Variants in SLC24A5 observed in about 807,000 individuals in gnomAD.
SLC24A5 encodes the protein sodium/potassium/calcium exchanger 5.
In SLC24A5, 46 loss-of-function variants were observed where a neutral mutation model predicts 51.6. The observed-to-expected ratio is 0.89, with a 90% CI of 0.70 to 1.14. The LOEUF is 1.14. Ranked by LOEUF, SLC24A5 falls within the 50% of genes most tolerant of loss-of-function variation. SLC24A5 has a pLI of 0.00. For synonymous variants in SLC24A5, 230 were observed against 214.9 expected, an observed-to-expected ratio of 1.07 and a Z score of -0.62; for missense variants, 581 against 604.1, an observed-to-expected ratio of 0.96 and a Z score of 0.40.
At chr15:48,140,382 A>C (rs1339858788) in intron 7 of SLC24A5, 2 of 152,150 alleles carry the variant, frequency 1.3e-5, no homozygotes, top group African/African-American at 2.4e-5. Context: ...AAGAAAAAAA[A>C]AGAGAAAGAA....
At chr15:48,141,012 G>A (rs1263098452) in intron 7 of SLC24A5, 101 bp from the exon 8 acceptor site, 14 of 881,684 alleles carry the variant, frequency 1.6e-5, no homozygotes, top group Non-Finnish European at 2.5e-5. Flanking sequence ...TTCTAAATGT[G>A]CCTATTTTAT....
chr15:48,130,801 G>A (rs192011830), intron 2 of SLC24A5, among the ~76,000 whole-genome samples: 12 of 152,018 alleles, frequency 7.9e-5, no homozygotes, highest in African/African-American at 2.4e-4. Flanking sequence ...ATAGAATGAG[G>A]GTGATTATGG....
At chr15:48,140,753 GA>G in intron 7 of SLC24A5, 1 of 194,404 alleles carries the variant, frequency 5.1e-6, no homozygotes, top group Non-Finnish European at 1.1e-5. Flanking sequence ...ATATTTTTAA[GA>G]AAGAAAAAGC....
chr15:48,138,781 T>C (rs1207407822), intron 6 of SLC24A5, 188 bp from the exon 7 acceptor site: 8 of 562,246 alleles, frequency 1.4e-5, no homozygotes, highest in Admixed American at 6.3e-5. Flanking sequence ...ACATCTTACA[T>C]TGTCTGCCCT....
chr15:48,139,748 C>T (rs2039005655), intron 7 of SLC24A5: 1 of 152,122 alleles, frequency 6.6e-6, no homozygotes, highest in Non-Finnish European at 1.5e-5. Context: ...TAATCCACTA[C>T]AGTCCCTAAA....
Position 48,130,139 on chromosome 15 carries a change from C to T in SLC24A5, c.302-4119C>T, listed in dbSNP as rs555623664. Among the ~76,000 whole-genome samples, 8 of 152,090 alleles carry T rather than the reference C, an allele frequency of 5.3e-5. No individual in the cohort carries two copies. In the East Asian group the frequency reaches 1.5e-3, roughly 29 times the overall value. ...TTGATATCTAAACCTATAAAGAAAA[C>T]TCAAGTTGAACATTTCTACTATATC... On this transcript the variant is annotated intron_variant, in intron 2 of 8. Coordinates refer to ENST00000341459, the MANE Select transcript of SLC24A5 (RefSeq NM_205850.3).
At chr15:48,124,914 A>G (rs2038715378) in intron 2 of SLC24A5, among the ~76,000 whole-genome samples, 1 of 152,336 alleles carries the variant, frequency 6.6e-6, no homozygotes, top group African/African-American at 2.4e-5. Context: ...ATGAGATAGA[A>G]ATAGTGCTAG....
intron 2 of SLC24A5, 87 bp from the exon 3 acceptor site, chr15:48,134,171 C>T (rs1311551867): frequency 2.8e-6 from 3 of 1,082,072 alleles, no homozygotes; most frequent in Admixed American, 1.8e-5. Context: ...TTATGTGAAG[C>T]TGTAGCTTTG....
intron 2 of SLC24A5, 68 bp from the exon 3 acceptor site, chr15:48,134,190 T>G: frequency 7.9e-7 from 1 of 1,266,976 alleles, no homozygotes; most frequent in South Asian, 1.2e-5. Context: ...TGAGTATCTA[T>G]TGTGTTTAGT....
intron 1 of SLC24A5, among the ~76,000 whole-genome samples, 173 bp downstream of exon 1, chr15:48,121,338 T>C (rs1344945138): frequency 6.6e-6 from 1 of 152,238 alleles, no homozygotes; most frequent in African/African-American, 2.4e-5. Flanking sequence ...AAATAAGTTC[T>C]TAAATATACT....
chr15:48,134,308 A>G lies in SLC24A5; in HGVS notation c.352A>G (p.Ser118Gly). Residue 118 changes from serine to glycine, a missense_variant, in exon 3 of 9, where the codon AGT becomes GGT. Ser to Gly is a moderately conservative substitution (Grantham distance 56, BLOSUM62 0). Coordinates refer to ENST00000341459, the MANE Select transcript of SLC24A5 (RefSeq NM_205850.3). ...AGGCACAACTTTCATGGCAGCGGGC[A>G]GTTCAGCTCCTGAATTAGTTACTGC... ...VAGTTFMAAG[S>G]SAPELVTAFL... is the part of the protein sequence containing the mutation. 1 of 1,613,692 alleles carries G rather than the reference A, an allele frequency of 6.2e-7. No individual in the cohort carries two copies. Among genetic ancestry groups the G allele is most frequent in the Non-Finnish European group, 8.5e-7 (1 of 1,179,676 alleles).
Position 48,121,110 on chromosome 15 carries a change from T to G in SLC24A5, c.66T>G (p.Thr22=). ...RALLLGILWA[T]AHLPLSGTSL... ...TGTTGCTCGGCATCCTGTGGGCCAC[T>G]GCACATCTGCCTCTCTCAGGGACCT... Residue 22 remains threonine, a synonymous_variant, in exon 1 of 9, where the codon ACT becomes ACG. Transcript: ENST00000341459. 6.2e-7 allele frequency: 1 copy of G among 1,613,912 alleles called. No individual in the cohort carries two copies. The highest frequency in any genetic ancestry group is 1.1e-5 in the South Asian group (1 of 91,062).
At chr15:48,133,467 A>G (rs995334022) in intron 2 of SLC24A5, among the ~76,000 whole-genome samples, 1 of 152,166 alleles carries the variant, frequency 6.6e-6, no homozygotes, top group Admixed American at 6.6e-5. Context: ...CAGTCCCTAA[A>G]GTTTATGAAC....
chr15:48,129,077 A>G (rs2038761973), intron 2 of SLC24A5, among the ~76,000 whole-genome samples: 1 of 152,170 alleles, frequency 6.6e-6, no homozygotes, highest in Non-Finnish European at 1.5e-5. Context: ...AAGAGCAGGT[A>G]GAAATCCACT....
chr15:48,124,526 A>G (rs1332913482), intron 2 of SLC24A5: 1 of 152,178 alleles, frequency 6.6e-6, no homozygotes, highest in Non-Finnish European at 1.5e-5. Flanking sequence ...TCCATTTCTA[A>G]TGACTTAACT....
chr15:48,126,809 C>A (rs1173499689), intron 2 of SLC24A5, among the ~76,000 whole-genome samples: 1 of 152,196 alleles, frequency 6.6e-6, no homozygotes, highest in Non-Finnish European at 1.5e-5. Context: ...GACTTAGAAA[C>A]CTGTGTCTAA....
chr15:48,139,048 A>G lies in SLC24A5; in HGVS notation c.951A>G (p.Leu317=). The G allele has an allele frequency of 4.3e-6, 7 of 1,613,042 alleles. No individual in the cohort carries two copies. Among genetic ancestry groups the G allele is most frequent in the Non-Finnish European group, 5.9e-6 (7 of 1,179,258 alleles). The change falls in exon 7 of 9, where the codon TTA becomes TTG. Residue 317 remains leucine, a synonymous_variant. Coordinates refer to ENST00000341459, the MANE Select transcript of SLC24A5 (RefSeq NM_205850.3). ...TATTATCCCTTCCTATTATTACATTACTTTTTCTAACCACACCAGATTGTA... is the reference window on the plus strand; with the variant it reads ...TATTATCCCTTCCTATTATTACATTGCTTTTTCTAACCACACCAGATTGTA... ...FWVLSLPIIT[L]LFLTTPDCRK... is the part of the protein sequence containing the mutation.
Position 48,142,536 on chromosome 15 carries a change from T to C in SLC24A5, c.*185T>C, listed in dbSNP as rs1408913434. 1.9e-6 allele frequency: 1 copy of C among 525,974 alleles called. No individual in the cohort carries two copies. The allele number at this position is 525,974 out of a possible 1,614,324, so 32.6% of individuals were successfully genotyped here. A position where few individuals can be genotyped will look rare whatever the true frequency, so the allele number is the denominator to read the frequency against. ...CCCTTTCTTTTCATGAAAAATTACA[T>C]ATTATAAAACAGAAGTTTGGGGGGA... On this transcript the variant is annotated 3_prime_UTR_variant, in exon 9 of 9. Coordinates refer to ENST00000341459, the MANE Select transcript of SLC24A5 (RefSeq NM_205850.3).
chr15:48,135,045 G>T lies in SLC24A5; in HGVS notation c.590+61G>T, dbSNP rs887779501. ...GATTTTATGAATTTCTGATGGTTCAGTAATTTTTTTTCAGAAATGTTATTT... is the reference window on the plus strand; with the variant it reads ...GATTTTATGAATTTCTGATGGTTCATTAATTTTTTTTCAGAAATGTTATTT... On this transcript the variant is annotated intron_variant, in intron 5 of 8. Coordinates refer to ENST00000341459, the MANE Select transcript of SLC24A5 (RefSeq NM_205850.3). 5 of 1,351,132 alleles carry T rather than the reference G, an allele frequency of 3.7e-6. No homozygotes were observed. The East Asian group carries it at 1.2e-4, about 32-fold the overall frequency. 83.7% of individuals were successfully genotyped at this position (1,351,132 alleles called of 1,614,324 possible).
Sources: allele counts gnomAD v4.1 joint callset (sites outside exome capture counted in the v4.1 genomes callset), GRCh38; gene constraint gnomAD v4.1.1; transcripts MANE v1.5; gene names NCBI Gene and HGNC (gene_info 2026-07-23, HGNC 2026-07-21).